DNAH11: variants seen among roughly 807,000 people sequenced by gnomAD.
The protein encoded by DNAH11 is dynein axonemal heavy chain 11.
In DNAH11, 442 loss-of-function variants were observed where a neutral mutation model predicts 526.0. That is an observed-to-expected ratio of 0.84 (90% CI 0.78 to 0.91). DNAH11 has a LOEUF of 0.91. Among genes scored for constraint, DNAH11 ranks in the 40% least tolerant of loss-of-function variants. The probability of loss-of-function intolerance (pLI) is 0.00; values close to 1 mark genes in which losing one functional copy is unlikely to be tolerated. For missense variants in DNAH11, 6,989 were observed against 5,448.7 expected (o/e 1.28, Z -8.90); for synonymous variants, 2,461 against 1,935.9 (o/e 1.27, Z -7.12).
At chr7:21,684,780 C>G (rs1427399343) in intron 32 of DNAH11, among the ~76,000 whole-genome samples, 1 of 152,204 alleles carries the variant, frequency 6.6e-6, no homozygotes, top group Non-Finnish European at 1.5e-5. Context: ...AAATACATAC[C>G]TAGTCAGAAT....
chr7:21,733,342 C>G (rs1042631159), intron 45 of DNAH11, among the ~76,000 whole-genome samples: 1 of 152,180 alleles, frequency 6.6e-6, no homozygotes, highest in African/African-American at 2.4e-5. Flanking sequence ...GAGCTGAGAT[C>G]GTGCCACTGC....
intron 66 of DNAH11, among the ~76,000 whole-genome samples, chr7:21,844,097 C>G (rs947329208): frequency 1.3e-5 from 2 of 152,234 alleles, no homozygotes; most frequent in Admixed American, 1.3e-4. Context: ...GGCCTGCCAC[C>G]TCTTTTGGTT....
intron 25 of DNAH11, among the ~76,000 whole-genome samples, chr7:21,621,671 C>T (rs1423592270): frequency 0.011 from 1,710 of 148,958 alleles, 36 homozygotes; most frequent in African/African-American, 0.042. Context: ...GTTCAATACA[C>T]ACAAATCAAT....
At chr7:21,670,010 T>G (rs1165913107) in intron 30 of DNAH11, among the ~76,000 whole-genome samples, 1 of 152,212 alleles carries the variant, frequency 6.6e-6, no homozygotes, top group African/African-American at 2.4e-5. Context: ...TTGTTTTGAC[T>G]GTTTGAAGTT....
chr7:21,582,898 C>T (rs1032236527), intron 9 of DNAH11, among the ~76,000 whole-genome samples: 3 of 152,078 alleles, frequency 2.0e-5, no homozygotes, highest in Non-Finnish European at 2.9e-5. Context: ...AATGAATTGG[C>T]TGGTCAGTGG....
At chr7:21,599,708 A>G in intron 14 of DNAH11, 79 bp from the exon 15 acceptor site, 1 of 1,131,490 alleles carries the variant, frequency 8.8e-7, no homozygotes. Context: ...CTTCTTTTAC[A>G]AACTATTTAA....
intron 5 of DNAH11, 136 bp from the exon 6 acceptor site, chr7:21,564,050 G>A (rs1783565396): frequency 1.7e-6 from 1 of 601,262 alleles, no homozygotes; most frequent in Non-Finnish European, 2.8e-6. Flanking sequence ...TGTAGGATAA[G>A]TAATATAAAA....
At chr7:21,699,695 C>CT (rs1179763263) in intron 36 of DNAH11, among the ~76,000 whole-genome samples, 6 of 151,470 alleles carry the variant, frequency 4.0e-5, no homozygotes, top group African/African-American at 1.2e-4. Flanking sequence ...TTCTTAAAAT[C>CT]TTTTTTTAAT....
chr7:21,655,311 A>G (rs1309929179), intron 28 of DNAH11, among the ~76,000 whole-genome samples: 1 of 152,132 alleles, frequency 6.6e-6, no homozygotes, highest in South Asian at 2.1e-4. Flanking sequence ...AAAGGGAGAA[A>G]TCCTACTCAT....
At chr7:21,544,120 A>C (rs1782711940) in intron 1 of DNAH11, among the ~76,000 whole-genome samples, 1 of 152,188 alleles carries the variant, frequency 6.6e-6, no homozygotes, top group Non-Finnish European at 1.5e-5. Flanking sequence ...GAACATTTAG[A>C]GGGAACAGTT....
chr7:21,696,113 G>A (rs897062237), intron 35 of DNAH11, among the ~76,000 whole-genome samples: 1 of 152,118 alleles, frequency 6.6e-6, no homozygotes, highest in African/African-American at 2.4e-5. Context: ...CTCAATATGT[G>A]TGCTCAATAC....
chr7:21,561,274 G>C, intron 5 of DNAH11, 104 bp downstream of exon 5: 1 of 801,352 alleles, frequency 1.2e-6, no homozygotes, highest in South Asian at 1.6e-5. Context: ...TGTTTGTGGA[G>C]TGATTGCTCA....
intron 35 of DNAH11, among the ~76,000 whole-genome samples, chr7:21,692,890 C>G (rs531016774): frequency 1.3e-5 from 2 of 152,218 alleles, no homozygotes; most frequent in South Asian, 4.2e-4. Flanking sequence ...ACTGTGTCCT[C>G]CTAGGTTTAG....
At chr7:21,852,665 A>G (rs771953637) in intron 67 of DNAH11, 34 bp downstream of exon 67, 3 of 1,539,310 alleles carry the variant, frequency 1.9e-6, no homozygotes, top group Non-Finnish European at 2.6e-6. Context: ...GCAGATTCTA[A>G]TGCTCTGTTC....
In DNAH11 at chr7:21,543,484, A is replaced by G. The variant is rs2128424856; in HGVS notation, c.239A>G (p.Tyr80Cys). 1 of 1,601,224 alleles carries G rather than the reference A, an allele frequency of 6.2e-7. No individual in the cohort carries two copies. The highest frequency in any genetic ancestry group is 1.7e-5 in the Admixed American group (1 of 58,200). Reference protein sequence around the residue: ...LGFTEEKWSQYLESEDNRQVL... With the variant: ...LGFTEEKWSQCLESEDNRQVL... ...TTCACGGAGGAGAAATGGAGCCAGT[A>G]TTTGGAAAGCGAGGACAACCGGCAG... The change falls in exon 1 of 82, where the codon TAT (tyrosine) becomes TGT (cysteine). Residue 80 changes from tyrosine (Y) to cysteine (C), a missense_variant. Transcript: ENST00000409508.
chr7:21,620,191 T>G (rs1785978758), intron 25 of DNAH11, 113 bp downstream of exon 25: 2 of 972,698 alleles, frequency 2.1e-6, no homozygotes, highest in African/African-American at 1.7e-5. Flanking sequence ...TGTGGAAAGA[T>G]TAAATCAGGC....
chr7:21,625,604 T>C (rs948639528), intron 25 of DNAH11, among the ~76,000 whole-genome samples: 11 of 152,154 alleles, frequency 7.2e-5, no homozygotes, highest in African/African-American at 2.7e-4. Context: ...AGTTGTTTAT[T>C]TGAGATTTTC....
intron 39 of DNAH11, among the ~76,000 whole-genome samples, chr7:21,706,435 C>G (rs747650838): frequency 5.3e-5 from 8 of 151,260 alleles, no homozygotes; most frequent in Non-Finnish European, 1.2e-4. Flanking sequence ...AGATCAGAAC[C>G]CAAAGTGGAA....
Position 21,630,510 on chromosome 7 carries a change from G to A in DNAH11, c.4501-5361G>A, listed in dbSNP as rs1030490731. Among the ~76,000 whole-genome samples, 22 of 152,268 alleles carry A rather than the reference G, an allele frequency of 1.4e-4. No homozygotes were observed. The South Asian group carries it at 1.7e-3, about 11-fold the overall frequency. Reference sequence around the variant, plus strand: ...TTTGTAAAACTATTCTGGTGGTGGCGAATTAGCTCAGCTTTTGTTTGTCAG... The same window carrying A: ...TTTGTAAAACTATTCTGGTGGTGGCAAATTAGCTCAGCTTTTGTTTGTCAG... On this transcript the variant is annotated intron_variant, in intron 25 of 81. Transcript: ENST00000409508.
Sources: gnomAD v4.1 joint callset for allele counts (sites outside exome capture counted in the v4.1 genomes callset) on GRCh38, gnomAD v4.1.1 for gene constraint, MANE v1.5 for transcripts, NCBI Gene and HGNC (gene_info 2026-07-23, HGNC 2026-07-21) for gene names.